Variants in GPHN observed in about 807,000 individuals in gnomAD.
GPHN encodes gephyrin.
In GPHN, 17 loss-of-function variants were observed where a neutral mutation model predicts 95.5. The ratio of observed to expected loss-of-function variants is 0.18; its 90% CI spans 0.12 to 0.27. GPHN has a LOEUF of 0.27. Among genes scored for constraint, GPHN ranks in the 10% least tolerant of loss-of-function variants. The pLI is 1.00. For synonymous variants in GPHN, 320 were observed against 322.5 expected (o/e 0.99, Z 0.08); for missense variants, 660 against 978.1 (o/e 0.67, Z 4.34).
the GPHN span, chr14:67,312,786 A>T: frequency 8.8e-7 from 1 of 1,137,058 alleles, no homozygotes; most frequent in South Asian, 2.7e-5. Flanking sequence ...AGAAAAACTC[A>T]CTCTTTCATG....
chr14:67,498,232 T>G, the GPHN span, among the ~76,000 whole-genome samples: 1 of 152,120 alleles, frequency 6.6e-6, no homozygotes, highest in Non-Finnish European at 1.5e-5. Flanking sequence ...TCTTTGCCCC[T>G]CTCCCATACC....
the GPHN span, among the ~76,000 whole-genome samples, chr14:67,319,975 T>C: frequency 6.6e-6 from 1 of 152,220 alleles, no homozygotes; most frequent in Non-Finnish European, 1.5e-5. Context: ...AATTAGCTGT[T>C]TAATGTAAGA....
At chr14:67,045,107 C>T (rs2074936695) in intron 10 of GPHN, among the ~76,000 whole-genome samples, 1 of 152,188 alleles carries the variant, frequency 6.6e-6, no homozygotes, top group Non-Finnish European at 1.5e-5. Context: ...GTGATCCAGA[C>T]TTACCGTCTC....
At chr14:67,064,615 A>G (rs961258743) in intron 11 of GPHN, among the ~76,000 whole-genome samples, 2 of 152,064 alleles carry the variant, frequency 1.3e-5, no homozygotes, top group African/African-American at 4.8e-5. Context: ...TTCAGAGCCC[A>G]TTATTGGTCT....
rs1386268000 is a variant in GPHN, at chr14:67,000,606, T to C, written c.964-23027T>C. Among the ~76,000 whole-genome samples, 4 of 151,682 alleles carry C rather than the reference T, an allele frequency of 2.6e-5. No homozygotes were observed. In the East Asian group the frequency reaches 5.8e-4, roughly 22 times the overall value. ...TATACTATAGTTAGAAAACTGGAGATAGTGTGAAGAAATCTTAGAATTCTA... is the reference window on the plus strand; with the variant it reads ...TATACTATAGTTAGAAAACTGGAGACAGTGTGAAGAAATCTTAGAATTCTA... On this transcript the variant is annotated intron_variant, in intron 9 of 22. Transcript: ENST00000478722.
chr14:67,512,027 A>T, the GPHN span, among the ~76,000 whole-genome samples: 1 of 152,206 alleles, frequency 6.6e-6, no homozygotes, highest in Non-Finnish European at 1.5e-5. Context: ...TGAACCAAAC[A>T]CCCTGGTACT....
At chr14:67,569,752 TC>T in the GPHN span, 1 of 616,470 alleles carries the variant, frequency 1.6e-6, no homozygotes. Context: ...GAGATCATGG[TC>T]CCCAAAGGGA....
chr14:66,743,689 CG>C (rs1415608622), intron 2 of GPHN, among the ~76,000 whole-genome samples: 1 of 152,158 alleles, frequency 6.6e-6, no homozygotes, highest in African/African-American at 2.4e-5. Flanking sequence ...TTGCAGTGAG[CG>C]GAGATCGCGC....
chr14:67,102,640 A>G (rs1595144518), intron 13 of GPHN, among the ~76,000 whole-genome samples: 1 of 152,166 alleles, frequency 6.6e-6, no homozygotes, highest in African/African-American at 2.4e-5. Context: ...AGCCTGGGCA[A>G]CAAGAGCAAA....
the GPHN span, among the ~76,000 whole-genome samples, chr14:67,596,607 T>C: frequency 9.2e-4 from 140 of 152,314 alleles, no homozygotes; most frequent in Non-Finnish European, 1.6e-3. Flanking sequence ...TCCTCTAAGC[T>C]GTCTAGGCCC....
chr14:67,080,395 A>G (rs552417222), intron 11 of GPHN, among the ~76,000 whole-genome samples: 1 of 151,774 alleles, frequency 6.6e-6, no homozygotes. Context: ...TCTTTGATGC[A>G]CAAAATATTT....
chr14:67,406,096 T>C, the GPHN span, among the ~76,000 whole-genome samples: 2 of 151,948 alleles, frequency 1.3e-5, no homozygotes, highest in Admixed American at 6.6e-5. Context: ...CCGTCTCTAC[T>C]AAAAATTCAA....
the GPHN span, among the ~76,000 whole-genome samples, chr14:67,499,791 G>A: frequency 1.3e-5 from 2 of 152,054 alleles, no homozygotes; most frequent in Admixed American, 1.3e-4. Flanking sequence ...TGGGGGAAAG[G>A]CAGCCTCAAT....
intron 8 of GPHN, among the ~76,000 whole-genome samples, chr14:66,964,408 GATAGCATGCTTAA>G (rs1326876071): frequency 2.0e-5 from 3 of 152,176 alleles, no homozygotes; most frequent in African/African-American, 7.2e-5. Flanking sequence ...GCAGACGTCA[GATAGCATGCTTAA>G]ATAGGTAATT....
chr14:67,383,942 G>C, the GPHN span: 4 of 179,294 alleles, frequency 2.2e-5, no homozygotes, highest in Non-Finnish European at 4.8e-5. Flanking sequence ...TTTTAGTCTT[G>C]ATGTGGAACT....
rs1251870900 is a variant in GPHN, at chr14:66,924,250, C to T, written c.786C>T (p.Ile262=). The T allele has an allele frequency of 6.2e-7, 1 of 1,611,530 alleles. No homozygotes were observed. Among genetic ancestry groups the T allele is most frequent in the South Asian group, 1.1e-5 (1 of 91,020 alleles). The part of the protein sequence containing the change: ...AVVMAHGEQP[I]PGLINYSHHS... ...TCATGGCACACGGTGAACAGCCCAT[C>T]CCTGGTCTCATCAATTATTCCCATC... The change falls in exon 8 of 23, where the codon ATC becomes ATT. Residue 262 remains isoleucine (I), a synonymous_variant. Transcript: ENST00000478722.
chr14:67,067,438 A>G (rs1305574535), intron 11 of GPHN, among the ~76,000 whole-genome samples: 1 of 152,154 alleles, frequency 6.6e-6, no homozygotes, highest in Non-Finnish European at 1.5e-5. Context: ...CAGTCTGTCC[A>G]TTCTCAGAGC....
At chr14:67,407,403 G>A in the GPHN span, among the ~76,000 whole-genome samples, 1 of 151,738 alleles carries the variant, frequency 6.6e-6, no homozygotes, top group South Asian at 2.1e-4. Context: ...TTACAGGCAT[G>A]AGCCACCACG....
At chr14:67,475,723 G>A in the GPHN span, among the ~76,000 whole-genome samples, 1 of 152,126 alleles carries the variant, frequency 6.6e-6, no homozygotes, top group Non-Finnish European at 1.5e-5. Flanking sequence ...AGTCCTTCTG[G>A]CTCCTTTCCC....
Sources: allele counts gnomAD v4.1 joint callset (sites outside exome capture counted in the v4.1 genomes callset), GRCh38; gene constraint gnomAD v4.1.1; transcripts MANE v1.5; gene names NCBI Gene and HGNC (gene_info 2026-07-23, HGNC 2026-07-21).